Variants in SPG11 observed in about 807,000 individuals in gnomAD.
SPG11 encodes SPG11 vesicle trafficking associated, spatacsin.
In SPG11, 222 loss-of-function variants were observed where a neutral mutation model predicts 274.0. The observed-to-expected ratio is 0.81, with a 90% CI of 0.73 to 0.91. SPG11 has a LOEUF of 0.91. Ranked by LOEUF, SPG11 falls within the 40% of genes least tolerant of loss-of-function variation. The pLI, the probability that SPG11 is intolerant of heterozygous loss-of-function variation, is 0.00. For missense variants in SPG11, 3,114 were observed against 2,872.7 expected (o/e 1.08, Z -1.92); for synonymous variants, 1,144 against 1,039.7 (o/e 1.10, Z -1.93).
rs3833009 is a variant in SPG11, at chr15:44,585,925, CA to C, written c.4907-76del. 9.8e-5 allele frequency: 120 copies of C among 1,229,258 alleles called. No homozygotes were observed. The East Asian group carries it at 2.3e-3, about 24-fold the overall frequency. 76.1% of individuals were successfully genotyped at this position (1,229,258 alleles called of 1,614,324 possible). Reference sequence around the variant, plus strand: ...ACAGCATTTCAAGAGTAATACATATCAGGGGGAAAATATACGTGTTTAACAT... The same window carrying C: ...ACAGCATTTCAAGAGTAATACATATCGGGGGAAAATATACGTGTTTAACAT... On this transcript the variant is annotated intron_variant, in intron 28 of 39. Coordinates refer to ENST00000261866, the MANE Select transcript of SPG11 (RefSeq NM_025137.4).
intron 13 of SPG11, 39 bp downstream of exon 13, chr15:44,622,181 G>T: frequency 6.3e-7 from 1 of 1,589,956 alleles, no homozygotes; most frequent in Non-Finnish European, 8.6e-7. Context: ...ACTATCTAAC[G>T]GTATTCTAAT....
At chr15:44,603,053 ATTTTTTT>A (rs988355401) in intron 20 of SPG11, among the ~76,000 whole-genome samples, 3 of 131,268 alleles carry the variant, frequency 2.3e-5, no homozygotes, top group South Asian at 2.4e-4. Context: ...CCAACAGGCA[ATTTTTTT>A]TTTTTTTTTT....
intron 4 of SPG11, among the ~76,000 whole-genome samples, chr15:44,654,262 C>A (rs1359297671): frequency 7.0e-6 from 1 of 143,120 alleles, no homozygotes; most frequent in Non-Finnish European, 1.5e-5. Flanking sequence ...GTAATCCCAG[C>A]ACTTTGGGAG....
intron 30 of SPG11, among the ~76,000 whole-genome samples, chr15:44,582,735 G>A (rs1243968345): frequency 6.6e-6 from 1 of 150,914 alleles, no homozygotes. Flanking sequence ...ATCAACTAAT[G>A]TAATCTACTA....
intron 11 of SPG11, among the ~76,000 whole-genome samples, chr15:44,624,484 C>A (rs1301984192): frequency 6.6e-6 from 1 of 152,094 alleles, no homozygotes; most frequent in African/African-American, 2.4e-5. Context: ...AAGCTGAACT[C>A]ACAGTAATAG....
At chr15:44,568,505 T>C (rs1330310889) in intron 35 of SPG11, among the ~76,000 whole-genome samples, 2 of 152,180 alleles carry the variant, frequency 1.3e-5, no homozygotes, top group African/African-American at 4.8e-5. Flanking sequence ...ATCATCCAAA[T>C]GTTCTGGAAA....
Position 44,570,592 on chromosome 15 carries a change from C to G in SPG11, c.6410G>C (p.Arg2137Pro), listed in dbSNP as rs200283964. 8.1e-6 allele frequency: 13 copies of G among 1,614,104 alleles called. No individual in the cohort carries two copies. Among genetic ancestry groups the G allele is most frequent in the South Asian group, 5.5e-5 (5 of 91,066 alleles). The change falls in exon 34 of 40, where the codon CGA becomes CCA. Residue 2137 changes from arginine to proline, a missense_variant. Transcript: ENST00000261866. Reference protein sequence around the residue: ...TLTCHMEGIIRVLQAAHMLTD... With the variant: ...TLTCHMEGIIPVLQAAHMLTD... The stretch of plus-strand genomic sequence containing the variant: ...GAGCATGTGGGCGGCCTGTAGGACT[C>G]GGATGATGCCCTCCATGTGGCACGT...
chr15:44,620,702 A>AT (rs202000246), intron 14 of SPG11: 21,450 of 199,532 alleles, frequency 0.11, 1,272 homozygotes, highest in African/African-American at 0.25. Context: ...GACCAGGTAA[A>AT]TTTTTTTTTT....
At chr15:44,586,586 G>A (rs1280056073) in intron 28 of SPG11, among the ~76,000 whole-genome samples, 1 of 152,114 alleles carries the variant, frequency 6.6e-6, no homozygotes, top group Non-Finnish European at 1.5e-5. Context: ...GGAGGTTGAA[G>A]TGAGCCGAGA....
chr15:44,606,268 T>A, intron 19 of SPG11, 177 bp from the exon 20 acceptor site: 4 of 565,078 alleles, frequency 7.1e-6, no homozygotes, highest in Non-Finnish European at 1.3e-5. Context: ...TTATGACATA[T>A]CTTTATATCT....
chr15:44,576,073 C>T (rs4283209), intron 30 of SPG11, among the ~76,000 whole-genome samples: 2,039 of 119,728 alleles, frequency 0.017, 41 homozygotes, highest in East Asian at 0.055. Context: ...ACCCGGGAGG[C>T]GGAGGTTGCG....
chr15:44,626,588 G>C, intron 10 of SPG11, 81 bp from the exon 11 acceptor site: 1 of 1,394,510 alleles, frequency 7.2e-7, no homozygotes. Context: ...ATACATTTAT[G>C]TAACATCTAA....
In SPG11 at chr15:44,659,087, C is replaced by T. The variant is rs1300914881; in HGVS notation, c.659G>A (p.Gly220Asp). Residue 220 changes from glycine to aspartate, a missense_variant, in exon 3 of 40, where the codon GGC becomes GAC. By Grantham distance (94) the Gly-to-Asp change is moderately conservative. Coordinates refer to ENST00000261866, the MANE Select transcript of SPG11 (RefSeq NM_025137.4). ...RGILFVLSSL[G>D]WIYIFDVVDG... The stretch of plus-strand genomic sequence containing the variant: ...TCTACCACCAAGGATACAGATCCAG[C>T]CTAAACTACTCAAAACAAAAAGAAT... 5 of 1,613,960 alleles carry T rather than the reference C, an allele frequency of 3.1e-6. No homozygotes were observed. In the Admixed American group the frequency reaches 8.3e-5, roughly 27 times the overall value.
At chr15:44,605,091 A>G (rs2083288016) in intron 20 of SPG11, among the ~76,000 whole-genome samples, 1 of 152,122 alleles carries the variant, frequency 6.6e-6, no homozygotes, top group South Asian at 2.1e-4. Flanking sequence ...AGAGTGCTCA[A>G]TTTCCAAGAG....
chr15:44,589,547 G>C, intron 27 of SPG11, 133 bp from the exon 28 acceptor site: 2 of 1,050,242 alleles, frequency 1.9e-6, no homozygotes, highest in Non-Finnish European at 2.8e-6. Context: ...CACTTACTCA[G>C]TTCCTTTCCA....
chr15:44,628,756 C>T lies in SPG11; in HGVS notation c.1980G>A (p.Lys660=), dbSNP rs766781738. The change falls in exon 10 of 40, where the codon AAG becomes AAA. Residue 660 remains lysine, a synonymous_variant. Coordinates refer to ENST00000261866, the MANE Select transcript of SPG11 (RefSeq NM_025137.4). Reference sequence around the variant, plus strand: ...CATATTCATCTATAGCATCTGTTAGCTTCCAAGGAAACTTTATCATGAAGG... The same window carrying T: ...CATATTCATCTATAGCATCTGTTAGTTTCCAAGGAAACTTTATCATGAAGG... The part of the protein sequence containing the change: ...LRTFMIKFPW[K]LTDAIDEYDV... The T allele has an allele frequency of 3.7e-6, 6 of 1,613,634 alleles. No individual in the cohort carries two copies. In the South Asian group the frequency reaches 6.6e-5, roughly 18 times the overall value.
intron 32 of SPG11, 46 bp from the exon 33 acceptor site, chr15:44,572,866 G>T: frequency 1.2e-6 from 2 of 1,609,316 alleles, no homozygotes; most frequent in Non-Finnish European, 8.5e-7. Flanking sequence ...ATCTAAGAGA[G>T]GCCCACTCTG....
At position 44,598,636 on chromosome 15, in the gene SPG11, G is replaced by C; in HGVS notation, c.3887C>G (p.Ser1296Cys). The change falls in exon 22 of 40, where the codon TCT (serine) becomes TGT (cysteine). Residue 1296 changes from serine to cysteine, a missense_variant. By Grantham distance (112) the Ser-to-Cys change is moderately radical. Transcript: ENST00000261866. ...EDAQYSFIRESVAEKLSKLAD... is the reference protein window; with the variant it reads ...EDAQYSFIRECVAEKLSKLAD... The stretch of plus-strand genomic sequence containing the variant: ...CCAGATAAAAGGTGCTGTACCTACA[G>C]ACTCTCTGATAAAGCTGTACTGAGC... 1 of 1,614,056 alleles carries C rather than the reference G, an allele frequency of 6.2e-7. No individual in the cohort carries two copies. The highest frequency in any genetic ancestry group is 1.3e-5 in the African/African-American group (1 of 75,058).
At chr15:44,636,925 C>CAAAAAAA (rs370928375) in intron 7 of SPG11, among the ~76,000 whole-genome samples, 288 of 19,352 alleles carry the variant, frequency 0.015, 34 homozygotes, top group South Asian at 0.018. Context: ...GACTCCATCT[C>CAAAAAAA]AAAAAAAAAA....
Sources: gnomAD v4.1 joint callset for allele counts (sites outside exome capture counted in the v4.1 genomes callset) on GRCh38, gnomAD v4.1.1 for gene constraint, MANE v1.5 for transcripts, NCBI Gene and HGNC (gene_info 2026-07-23, HGNC 2026-07-21) for gene names.